DGKD: variants seen among roughly 807,000 people sequenced by gnomAD.
DGKD encodes DAG kinase delta.
Under a neutral mutation model 154.4 loss-of-function variants are expected in DGKD, and 68 were observed. The observed-to-expected ratio is 0.44, with a 90% CI of 0.36 to 0.54. The LOEUF is 0.54. Among genes scored for constraint, DGKD ranks in the 20% least tolerant of loss-of-function variants. The pLI is 0.00. For synonymous variants in DGKD, 693 were observed against 638.0 expected (o/e 1.09, Z -1.30); for missense variants, 1,343 against 1,593.6 (o/e 0.84, Z 2.68).
intron 1 of DGKD, among the ~76,000 whole-genome samples, chr2:233,364,888 A>G (rs1384403824): frequency 6.6e-6 from 1 of 152,216 alleles, no homozygotes; most frequent in Non-Finnish European, 1.5e-5. Context: ...CGTTTAAAAC[A>G]TAAGGATATT....
Position 233,469,667 on chromosome 2 carries a change from A to G in DGKD, c.*207A>G. The G allele has an allele frequency of 1.7e-6, 1 of 572,756 alleles. No individual in the cohort carries two copies. Among genetic ancestry groups the G allele is most frequent in the East Asian group, 2.9e-5 (1 of 34,758 alleles). 35.5% of individuals were successfully genotyped at this position (572,756 alleles called of 1,614,324 possible). A position where few individuals can be genotyped will look rare whatever the true frequency, so the allele number is the denominator to read the frequency against. ...AGAGCTCTGGGGTCTCGAACATAAC[A>G]ACACAGCTACCTTTGAAACAACACT... On this transcript the variant is annotated 3_prime_UTR_variant, in exon 30 of 30. Coordinates refer to ENST00000264057, the MANE Select transcript of DGKD (RefSeq NM_152879.3).
intron 1 of DGKD, among the ~76,000 whole-genome samples, chr2:233,355,418 G>A (rs1338017396): frequency 6.6e-6 from 1 of 152,228 alleles, no homozygotes; most frequent in Non-Finnish European, 1.5e-5. Context: ...CTCCAGGTGA[G>A]CCCGCCCGGT....
At chr2:233,415,666 C>T (rs2061942468) in intron 3 of DGKD, among the ~76,000 whole-genome samples, 1 of 152,196 alleles carries the variant, frequency 6.6e-6, no homozygotes, top group South Asian at 2.1e-4. Context: ...CTCTGTCGCC[C>T]TGTCTGAAGT....
At chr2:233,385,891 C>A in intron 1 of DGKD, 3 of 439,752 alleles carry the variant, frequency 6.8e-6, no homozygotes, top group South Asian at 4.9e-5. Context: ...CTGAAACCCA[C>A]CAGTCTTTTT....
At chr2:233,413,261 C>T (rs984672098) in intron 3 of DGKD, among the ~76,000 whole-genome samples, 7 of 152,104 alleles carry the variant, frequency 4.6e-5, no homozygotes, top group African/African-American at 1.7e-4. Flanking sequence ...TGTAGTGAGT[C>T]AGTGTTACCC....
At chr2:233,454,916 G>A in intron 19 of DGKD, 43 bp downstream of exon 19, 3 of 1,272,466 alleles carry the variant, frequency 2.4e-6, no homozygotes, top group Non-Finnish European at 3.4e-6. Context: ...TTGCGTCTTT[G>A]TGGCTTCTCC....
intron 24 of DGKD, among the ~76,000 whole-genome samples, chr2:233,460,618 C>T (rs569417913): frequency 6.6e-4 from 100 of 152,282 alleles, no homozygotes; most frequent in South Asian, 6.4e-3. Flanking sequence ...CAGCCGGGCG[C>T]GGTGGCTCAC....
chr2:233,382,915 C>G (rs1702973005), intron 1 of DGKD, among the ~76,000 whole-genome samples: 1 of 152,182 alleles, frequency 6.6e-6, no homozygotes, highest in African/African-American at 2.4e-5. Context: ...GTTAAGCATC[C>G]TTTGGGGCTT....
chr2:233,458,496 A>G lies in DGKD; in HGVS notation c.2694+99A>G. On this transcript the variant is annotated intron_variant, in intron 22 of 29. Transcript: ENST00000264057. The surrounding 1 kb of genome is among the most constrained non-coding windows in gnomAD (Gnocchi z 6.6). Reference sequence around the variant, plus strand: ...GAGCCTGGGAGGGTGGGCGCTTTCCAGGGCCATGTGGCTGCCTCATGTCCT... The same window carrying G: ...GAGCCTGGGAGGGTGGGCGCTTTCCGGGGCCATGTGGCTGCCTCATGTCCT... The G allele has an allele frequency of 2.3e-6, 2 of 875,310 alleles. No homozygotes were observed. Among genetic ancestry groups the G allele is most frequent in the Non-Finnish European group, 3.6e-6 (2 of 558,942 alleles). 54.2% of individuals were successfully genotyped at this position (875,310 alleles called of 1,614,324 possible).
chr2:233,448,970 C>G (rs2063177368), intron 14 of DGKD, 133 bp from the exon 15 acceptor site: 1 of 1,155,120 alleles, frequency 8.7e-7, no homozygotes, highest in Non-Finnish European at 1.2e-6. Flanking sequence ...CTTTTTGTTA[C>G]TTAGGCGTGG....
At chr2:233,388,793 T>C (rs1410746545) in intron 2 of DGKD, 4 of 138,170 alleles carry the variant, frequency 2.9e-5, no homozygotes, top group African/African-American at 1.1e-4. Flanking sequence ...TCGTCCAGGC[T>C]GGAGTGCAGT....
intron 1 of DGKD, among the ~76,000 whole-genome samples, chr2:233,385,179 C>G (rs1703106307): frequency 6.6e-6 from 1 of 152,172 alleles, no homozygotes; most frequent in Non-Finnish European, 1.5e-5. Flanking sequence ...ATTCTCAGAG[C>G]TGTCTTACTG....
At chr2:233,376,826 A>G (rs1490047619) in intron 1 of DGKD, among the ~76,000 whole-genome samples, 1 of 152,158 alleles carries the variant, frequency 6.6e-6, no homozygotes, top group Non-Finnish European at 1.5e-5. Flanking sequence ...GGAGCAAGTC[A>G]GAGCTCAGCC....
intron 1 of DGKD, among the ~76,000 whole-genome samples, chr2:233,371,050 C>G (rs1702296966): frequency 6.6e-6 from 1 of 152,170 alleles, no homozygotes; most frequent in Non-Finnish European, 1.5e-5. Flanking sequence ...CTGTGCCCAG[C>G]TGACCTGTTT....
At chr2:233,437,233 AG>A (rs2125597221) in intron 7 of DGKD, 143 bp from the exon 8 acceptor site, 4 of 710,648 alleles carry the variant, frequency 5.6e-6, no homozygotes, top group Middle Eastern at 4.0e-4. Flanking sequence ...AGGCCGGCCC[AG>A]GGCCCCTGAT....
At position 233,450,025 on chromosome 2, in the gene DGKD, C is replaced by T. The variant is rs146366997; in HGVS notation, c.1932C>T (p.Phe644=). The T allele has an allele frequency of 3.0e-4, 490 of 1,613,146 alleles. 3 individuals carry two copies. The East Asian group carries it at 0.01, about 34-fold the overall frequency. The change falls in exon 16 of 30, where the codon TTC becomes TTT. Residue 644 remains phenylalanine (F), a synonymous_variant. Transcript: ENST00000264057. ...CCCAGACCCAGGAGCAGGAGGGCTT[C>T]GTCCTGGGCCTCTCTGAGTCAGAGG... ...QNAQTQEQEG[F]VLGLSESEEK... is the part of the protein sequence containing the mutation.
chr2:233,448,934 G>T (rs367559054), intron 14 of DGKD, among the ~76,000 whole-genome samples, 169 bp from the exon 15 acceptor site: 5 of 152,348 alleles, frequency 3.3e-5, no homozygotes, highest in African/African-American at 1.2e-4. Flanking sequence ...GAAAGGTGGG[G>T]ATTTGCAAAG....
Position 233,458,246 on chromosome 2 carries a change from G to A in DGKD, c.2581-38G>A, listed in dbSNP as rs769956520. Reference sequence around the variant, plus strand: ...GTAGGGGCGGCCTGTGCTCGGGGATGTGTGGAGTGGTGGTCAGCTCTAACG... The same window carrying A: ...GTAGGGGCGGCCTGTGCTCGGGGATATGTGGAGTGGTGGTCAGCTCTAACG... On this transcript the variant is annotated intron_variant, in intron 21 of 29. Transcript: ENST00000264057. This position sits in a 1 kb window ranked among gnomAD's most constrained non-coding sequence, Gnocchi z 6.6. 52 of 1,407,986 alleles carry A rather than the reference G, an allele frequency of 3.7e-5. No homozygotes were observed. Among genetic ancestry groups the A allele is most frequent in the East Asian group, 1.8e-4 (8 of 43,394 alleles). The allele number at this position is 1,407,986 out of a possible 1,614,324, so 87.2% of individuals were successfully genotyped here.
At chr2:233,360,928 G>T (rs563054649) in intron 1 of DGKD, among the ~76,000 whole-genome samples, 3 of 151,980 alleles carry the variant, frequency 2.0e-5, no homozygotes, top group East Asian at 3.9e-4. Context: ...GAGGGAGTGC[G>T]GCCTTCTGAT....
Sources: allele counts gnomAD v4.1 joint callset (sites outside exome capture counted in the v4.1 genomes callset), GRCh38; gene constraint gnomAD v4.1.1; non-coding constraint Gnocchi (gnomAD v3.1); transcripts MANE v1.5; gene names NCBI Gene and HGNC (gene_info 2026-07-23, HGNC 2026-07-21).